The following LARGE1 variants were observed in gnomAD, a reference collection of about 807,000 sequenced individuals.
LARGE1 encodes the protein xylosyl- and glucuronyltransferase LARGE1.
In LARGE1, 43 loss-of-function variants were observed where a neutral mutation model predicts 87.6. The ratio of observed to expected loss-of-function variants is 0.49; its 90% confidence interval spans 0.38 to 0.63. LARGE1 has a LOEUF of 0.63. LARGE1 is among the 30% of genes least tolerant of loss of function. The probability of loss-of-function intolerance (pLI) is 0.00; values close to 1 mark genes in which losing one functional copy is unlikely to be tolerated. For missense variants in LARGE1, 802 were observed against 1,000.2 expected (o/e 0.80, Z 2.67); for synonymous variants, 434 against 394.6 (o/e 1.10, Z -1.18).
the LARGE1 span, among the ~76,000 whole-genome samples, chr22:33,111,236 C>G: frequency 1.3e-5 from 2 of 152,080 alleles, no homozygotes; most frequent in Admixed American, 1.3e-4. Context: ...AAGCCCATTT[C>G]TGGAACCTTG....
At chr22:33,438,276 G>A (rs1243470125) in intron 6 of LARGE1, among the ~76,000 whole-genome samples, 2 of 152,132 alleles carry the variant, frequency 1.3e-5, no homozygotes, top group Non-Finnish European at 2.9e-5. Flanking sequence ...GGTGGCTACA[G>A]GGTGCTGGCT....
At chr22:33,736,930 C>T (rs541840835) in intron 2 of LARGE1, among the ~76,000 whole-genome samples, 35 of 152,290 alleles carry the variant, frequency 2.3e-4, no homozygotes, top group African/African-American at 7.2e-4. Context: ...TTTCAGGCAT[C>T]GATGGACTCA....
chr22:33,697,679 G>A (rs2899211), intron 2 of LARGE1, among the ~76,000 whole-genome samples: 4 of 151,084 alleles, frequency 2.6e-5, no homozygotes, highest in African/African-American at 7.3e-5. Flanking sequence ...TCAAAACTCA[G>A]ATCTCTGTTC....
At chr22:33,459,432 G>GCT (rs1383321425) in intron 6 of LARGE1, among the ~76,000 whole-genome samples, 18 of 144,754 alleles carry the variant, frequency 1.2e-4, no homozygotes, top group African/African-American at 2.9e-4. Context: ...AAGCTCGCTC[G>GCT]CTCTCTCTCT....
At chr22:33,912,233 C>T (rs1049475524) in intron 1 of LARGE1, among the ~76,000 whole-genome samples, 1 of 152,128 alleles carries the variant, frequency 6.6e-6, no homozygotes, top group Non-Finnish European at 1.5e-5. Context: ...GGGATGGCTT[C>T]GAGTTAGCCG....
chr22:33,793,301 A>C (rs1461549114), intron 1 of LARGE1, among the ~76,000 whole-genome samples: 2 of 152,166 alleles, frequency 1.3e-5, no homozygotes, highest in Admixed American at 1.3e-4. Context: ...CAACCACCCC[A>C]CATCTGATAA....
chr22:33,494,324 T>C (rs1351411589), intron 6 of LARGE1, among the ~76,000 whole-genome samples: 1 of 152,220 alleles, frequency 6.6e-6, no homozygotes, highest in Non-Finnish European at 1.5e-5. Context: ...TGTGCTGTTG[T>C]GAAGATTAAC....
At chr22:33,089,443 C>A in the LARGE1 span, among the ~76,000 whole-genome samples, 2 of 84,844 alleles carry the variant, frequency 2.4e-5, no homozygotes. Flanking sequence ...CTTCTTCTTC[C>A]TCTTCTTCTT....
intron 1 of LARGE1, among the ~76,000 whole-genome samples, chr22:33,828,902 G>A (rs559869720): frequency 3.0e-4 from 46 of 151,820 alleles, no homozygotes; most frequent in African/African-American, 1.1e-3. Context: ...ATTCCCTCTC[G>A]CTGGAATGTT....
chr22:33,782,240 C>A (rs1390892639), intron 1 of LARGE1, among the ~76,000 whole-genome samples: 1 of 152,144 alleles, frequency 6.6e-6, no homozygotes, highest in African/African-American at 2.4e-5. Flanking sequence ...GACTGAGACG[C>A]ATTTAAGACG....
At chr22:33,305,814 A>C (rs925896004) in intron 11 of LARGE1, among the ~76,000 whole-genome samples, 27 of 151,516 alleles carry the variant, frequency 1.8e-4, no homozygotes, top group Admixed American at 1.7e-3. Context: ...TTGCTAACCA[A>C]ATTGACCAGA....
At chr22:33,917,085 A>T (rs1399828396) in intron 1 of LARGE1, among the ~76,000 whole-genome samples, 1 of 152,246 alleles carries the variant, frequency 6.6e-6, no homozygotes, top group African/African-American at 2.4e-5. Flanking sequence ...GTTCAAGGGA[A>T]AAGTAATAAC....
At chr22:33,492,859 T>A (rs2148300179) in intron 6 of LARGE1, among the ~76,000 whole-genome samples, 1 of 152,238 alleles carries the variant, frequency 6.6e-6, no homozygotes, top group East Asian at 1.9e-4. Flanking sequence ...GAACAGTATC[T>A]GATAAAAGCT....
chr22:33,785,824 A>C (rs941109510), intron 1 of LARGE1, among the ~76,000 whole-genome samples: 3 of 152,196 alleles, frequency 2.0e-5, no homozygotes, highest in Non-Finnish European at 4.4e-5. Context: ...CTTAAAAAAA[A>C]ATTCCAAGCT....
chr22:33,593,970 C>T (rs1216843087), intron 5 of LARGE1, among the ~76,000 whole-genome samples: 1 of 152,132 alleles, frequency 6.6e-6, no homozygotes, highest in Non-Finnish European at 1.5e-5. Context: ...GAACAAGTCT[C>T]TTTCCTAAGC....
At chr22:33,541,054 CGGGG>C (rs57583473) in intron 6 of LARGE1, among the ~76,000 whole-genome samples, 1 of 13,720 alleles carries the variant, frequency 7.3e-5, no homozygotes, top group Non-Finnish European at 1.7e-4. Context: ...TGGTGGGTTG[CGGGG>C]GGGGGGGGGC....
intron 6 of LARGE1, among the ~76,000 whole-genome samples, chr22:33,531,306 C>T (rs2072187960): frequency 6.6e-6 from 1 of 151,904 alleles, no homozygotes; most frequent in African/African-American, 2.4e-5. Context: ...TACAGGTGCC[C>T]GCCACCATGC....
chr22:33,403,824 G>C (rs2283903), intron 7 of LARGE1, among the ~76,000 whole-genome samples: 18,672 of 151,910 alleles, frequency 0.12, 2,047 homozygotes, highest in African/African-American at 0.3. Context: ...GGCTTGTCTC[G>C]AACTCCTGAT....
chr22:33,497,941 G>C (rs2070226693), intron 6 of LARGE1, among the ~76,000 whole-genome samples: 1 of 152,152 alleles, frequency 6.6e-6, no homozygotes, highest in Non-Finnish European at 1.5e-5. Context: ...GGAATGCAGT[G>C]GTATCATCTC....
Sources: gnomAD v4.1 joint callset for allele counts (sites outside exome capture counted in the v4.1 genomes callset) on GRCh38, gnomAD v4.1.1 for gene constraint, MANE v1.5 for transcripts, NCBI Gene and HGNC (gene_info 2026-07-23, HGNC 2026-07-21) for gene names.